Variants in ADAMTS12 observed in about 807,000 individuals in gnomAD.
The protein encoded by ADAMTS12 is ADAM metallopeptidase with thrombospondin type 1 motif 12.
Under a neutral mutation model 167.8 loss-of-function variants are expected in ADAMTS12, and 118 were observed. The observed-to-expected ratio is 0.70, with a 90% CI of 0.61 to 0.82. The LOEUF is 0.82. ADAMTS12 is among the 40% of genes least tolerant of loss of function. ADAMTS12 has a pLI of 0.00. For synonymous variants in ADAMTS12, 704 were observed against 716.9 expected, an observed-to-expected ratio of 0.98 and a Z score of 0.29; for missense variants, 1,916 against 1,998.8, an observed-to-expected ratio of 0.96 and a Z score of 0.79.
intron 19 of ADAMTS12, among the ~76,000 whole-genome samples, chr5:33,568,803 C>A (rs993593308): frequency 6.6e-6 from 1 of 152,212 alleles, no homozygotes; most frequent in African/African-American, 2.4e-5. Context: ...TTGCCTCACT[C>A]GGGAAGCGCA....
chr5:33,781,590 T>A (rs1746130065), intron 2 of ADAMTS12, among the ~76,000 whole-genome samples: 1 of 152,126 alleles, frequency 6.6e-6, no homozygotes, highest in Non-Finnish European at 1.5e-5. Context: ...GATAATGGAA[T>A]CTGCTGAGAC....
intron 16 of ADAMTS12, among the ~76,000 whole-genome samples, chr5:33,610,173 C>T (rs181372477): frequency 1.2e-3 from 177 of 152,230 alleles, no homozygotes; most frequent in Non-Finnish European, 1.8e-3. Flanking sequence ...AAGAATGAAA[C>T]TCTGTCTCAA....
chr5:33,754,376 T>C (rs1430989463), intron 2 of ADAMTS12, among the ~76,000 whole-genome samples: 1 of 152,222 alleles, frequency 6.6e-6, no homozygotes, highest in African/African-American at 2.4e-5. Context: ...AGTGAGGACT[T>C]GCACTGGGCA....
rs1740451221 is a variant in ADAMTS12, at chr5:33,641,722, G to C, written c.1718+88C>G. ...TTTAATTTACCTGGAGGAGGCTTGGGGTCACTGAGGTCATGCCATTCAAGA... is the reference window on the plus strand; with the variant it reads ...TTTAATTTACCTGGAGGAGGCTTGGCGTCACTGAGGTCATGCCATTCAAGA... On this transcript the variant is annotated intron_variant, in intron 11 of 23. Coordinates refer to ENST00000504830, the MANE Select transcript of ADAMTS12 (RefSeq NM_030955.4). The C allele has an allele frequency of 1.2e-5, 16 of 1,308,280 alleles. No homozygotes were observed. In the South Asian group the frequency reaches 3.4e-4, roughly 28 times the overall value. The allele number at this position is 1,308,280 out of a possible 1,614,324, so 81.0% of individuals were successfully genotyped here.
At chr5:33,628,478 T>G (rs1739764421) in intron 13 of ADAMTS12, among the ~76,000 whole-genome samples, 1 of 152,200 alleles carries the variant, frequency 6.6e-6, no homozygotes, top group Non-Finnish European at 1.5e-5. Flanking sequence ...TCAGTTCTGA[T>G]CAGGGCTTGA....
At chr5:33,781,868 A>C (rs1746142087) in intron 2 of ADAMTS12, among the ~76,000 whole-genome samples, 1 of 146,398 alleles carries the variant, frequency 6.8e-6, no homozygotes, top group Non-Finnish European at 1.5e-5. Flanking sequence ...CAGTCCCCAG[A>C]GTGTGATGTT....
chr5:33,751,370 T>G, intron 3 of ADAMTS12, 34 bp downstream of exon 3: 1 of 1,613,990 alleles, frequency 6.2e-7, no homozygotes, highest in Non-Finnish European at 8.5e-7. Context: ...CAAAACAGAT[T>G]CTTCAACCCA....
chr5:33,555,988 G>A (rs1185408639), intron 20 of ADAMTS12, among the ~76,000 whole-genome samples: 2 of 152,128 alleles, frequency 1.3e-5, no homozygotes, highest in Non-Finnish European at 2.9e-5. Flanking sequence ...CAGGCCTCTT[G>A]CCCTAAGTCC....
At chr5:33,792,890 C>T (rs1190609435) in intron 2 of ADAMTS12, among the ~76,000 whole-genome samples, 1 of 152,212 alleles carries the variant, frequency 6.6e-6, no homozygotes, top group African/African-American at 2.4e-5. Flanking sequence ...ACTTGTGGTT[C>T]CCCTGGACTG....
intron 2 of ADAMTS12, among the ~76,000 whole-genome samples, chr5:33,826,208 T>G (rs1279661862): frequency 1.2e-4 from 18 of 152,124 alleles, no homozygotes; most frequent in Admixed American, 1.1e-3. Flanking sequence ...CTTTGAAAAT[T>G]TTATATTCAA....
intron 23 of ADAMTS12, among the ~76,000 whole-genome samples, chr5:33,532,472 AT>A (rs55826401): frequency 0.22 from 30,350 of 139,268 alleles, 2,835 homozygotes; most frequent in Middle Eastern, 0.27. Flanking sequence ...TACTGTTTCT[AT>A]TTTTTTTTTT....
chr5:33,530,961 T>C (rs141818189), intron 23 of ADAMTS12, among the ~76,000 whole-genome samples: 50 of 152,298 alleles, frequency 3.3e-4, no homozygotes, highest in African/African-American at 1.1e-3. Flanking sequence ...AATAATGATG[T>C]CAGTTAAGAT....
intron 2 of ADAMTS12, among the ~76,000 whole-genome samples, chr5:33,813,115 G>A (rs898144705): frequency 1.3e-5 from 2 of 152,148 alleles, no homozygotes; most frequent in African/African-American, 4.8e-5. Flanking sequence ...AGCCATGTGG[G>A]TGACTTGCTG....
At chr5:33,665,988 C>A (rs1263833198) in intron 5 of ADAMTS12, among the ~76,000 whole-genome samples, 1 of 152,250 alleles carries the variant, frequency 6.6e-6, no homozygotes, top group Admixed American at 6.5e-5. Context: ...TTCATCCTCT[C>A]CATTTACATA....
intron 20 of ADAMTS12, among the ~76,000 whole-genome samples, chr5:33,553,003 TACAAAAA>T (rs563240492): frequency 5.3e-4 from 80 of 151,816 alleles, no homozygotes; most frequent in South Asian, 2.3e-3. Flanking sequence ...GTTAAATTTA[TACAAAAA>T]ACAAAAAACA....
intron 3 of ADAMTS12, among the ~76,000 whole-genome samples, chr5:33,697,818 G>A (rs1742840820): frequency 6.6e-6 from 1 of 152,244 alleles, no homozygotes; most frequent in Non-Finnish European, 1.5e-5. Context: ...ATGGGGAAAG[G>A]GTACAGGGGC....
intron 16 of ADAMTS12, among the ~76,000 whole-genome samples, chr5:33,606,902 T>C (rs1738469152): frequency 6.6e-6 from 1 of 152,202 alleles, no homozygotes; most frequent in Admixed American, 6.5e-5. Flanking sequence ...ATAATACATG[T>C]ATGAATTTAT....
At chr5:33,871,376 A>C (rs1281345523) in intron 2 of ADAMTS12, among the ~76,000 whole-genome samples, 2 of 152,168 alleles carry the variant, frequency 1.3e-5, no homozygotes, top group East Asian at 3.8e-4. Context: ...CTGATACCAA[A>C]ATCAGACACA....
At chr5:33,532,041 A>G (rs1372934126) in intron 23 of ADAMTS12, among the ~76,000 whole-genome samples, 1 of 152,180 alleles carries the variant, frequency 6.6e-6, no homozygotes. Flanking sequence ...AGTCAATTGG[A>G]TTCCACTTCC....
Sources: allele counts gnomAD v4.1 joint callset (sites outside exome capture counted in the v4.1 genomes callset), GRCh38; gene constraint gnomAD v4.1.1; transcripts MANE v1.5; gene names NCBI Gene and HGNC (gene_info 2026-07-23, HGNC 2026-07-21).